Variants in UBQLN1 observed in about 807,000 individuals in gnomAD.
The protein encoded by UBQLN1 is ubiquilin-1.
Under a neutral mutation model 65.4 loss-of-function variants are expected in UBQLN1, and 13 were observed. The observed-to-expected ratio is 0.20, with a 90% CI of 0.13 to 0.32. The LOEUF (loss-of-function observed/expected upper bound fraction) is 0.32. UBQLN1 is among the 10% of genes least tolerant of loss of function. The pLI, the probability that UBQLN1 is intolerant of heterozygous loss-of-function variation, is 1.00. For missense variants in UBQLN1, 561 were observed against 724.0 expected, an observed-to-expected ratio of 0.77 and a Z score of 2.58; for synonymous variants, 267 against 247.8, an observed-to-expected ratio of 1.08 and a Z score of -0.73.
chr9:83,678,022 A>AATT, intron 5 of UBQLN1, 61 bp from the exon 6 acceptor site: 4 of 1,056,404 alleles, frequency 3.8e-6, no homozygotes, highest in Non-Finnish European at 5.2e-6. Flanking sequence ...AAGATATGAA[A>AATT]CTTTTTTTTT....
Position 83,669,197 on chromosome 9 carries a change from G to T in UBQLN1, c.1236C>A (p.Asp412Glu). Residue 412 changes from aspartate (D) to glutamate (E), a missense_variant, in exon 7 of 11, where the codon GAC (aspartate) becomes GAA (glutamate). Transcript: ENST00000376395. ...SMMQSLSQNP[D>E]LAAQMMLNNP... ...ATTACAAACTCACCTGTGCAGCAAGGTCAGGATTCTGGCTTAGTGACTGCA... is the reference window on the plus strand; with the variant it reads ...ATTACAAACTCACCTGTGCAGCAAGTTCAGGATTCTGGCTTAGTGACTGCA... 6.2e-7 allele frequency: 1 copy of T among 1,610,284 alleles called. No homozygotes were observed. The highest frequency in any genetic ancestry group is 8.5e-7 in the Non-Finnish European group (1 of 1,179,260).
At chr9:83,680,062 T>C in intron 3 of UBQLN1, 25 bp from the exon 4 acceptor site, 2 of 1,574,044 alleles carry the variant, frequency 1.3e-6, no homozygotes, top group Non-Finnish European at 1.7e-6. Context: ...GGCAAAAACA[T>C]ACAAATCAAA....
At chr9:83,668,754 G>T in intron 7 of UBQLN1, 1 of 529,990 alleles carries the variant, frequency 1.9e-6, no homozygotes, top group Non-Finnish European at 2.4e-6. Context: ...TTTAATAAAT[G>T]CTATTTTACA....
chr9:83,707,388 G>T, intron 1 of UBQLN1, 112 bp downstream of exon 1: 1 of 1,200,576 alleles, frequency 8.3e-7, no homozygotes, highest in Non-Finnish European at 1.1e-6. Context: ...CGACGCCCGG[G>T]AGAATGGCCG....
intron 5 of UBQLN1, 84 bp from the exon 6 acceptor site, chr9:83,678,045 G>A (rs1053485920): frequency 4.1e-5 from 41 of 992,348 alleles, no homozygotes; most frequent in Admixed American, 1.2e-4. Context: ...TTTTTGAGAC[G>A]GAGTCTCGCT....
chr9:83,705,922 T>C (rs1832396695), intron 1 of UBQLN1, among the ~76,000 whole-genome samples: 1 of 151,172 alleles, frequency 6.6e-6, no homozygotes, highest in Non-Finnish European at 1.5e-5. Context: ...CAGGCAACTC[T>C]GTAACTTAGG....
At chr9:83,693,357 A>T (rs10868042) in intron 1 of UBQLN1, among the ~76,000 whole-genome samples, 39,895 of 152,172 alleles carry the variant, frequency 0.26, 6,509 homozygotes, top group East Asian at 0.81. Context: ...TGTAATTTTA[A>T]CTTTTGATAA....
In UBQLN1 at chr9:83,707,941, CA is replaced by C. The variant is rs1347195102; in HGVS notation, c.-263del. On this transcript the variant is annotated 5_prime_UTR_variant, in exon 1 of 11. Transcript: ENST00000376395. The stretch of plus-strand genomic sequence containing the variant: ...CGCTCACACCGACATCCGCAGCAGC[CA>C]CCGCTTCCTCCTCCCTGCCCCTTCC... The C allele has an allele frequency of 2.0e-6, 1 of 505,186 alleles. No individual in the cohort carries two copies. The highest frequency in any genetic ancestry group is 3.4e-6 in the Non-Finnish European group (1 of 293,154). The allele number at this position is 505,186 out of a possible 1,614,324, so 31.3% of individuals were successfully genotyped here.
chr9:83,678,520 C>T lies in UBQLN1; in HGVS notation c.791G>A (p.Ser264Asn). ...TAAAGCATTATATCCCCCTGGGATG[C>T]TTTCTAGGTTGCTCAAAGCTCGGTC... Reference protein sequence around the residue: ...NQDRALSNLESIPGGYNALRR... With the variant: ...NQDRALSNLENIPGGYNALRR... The change falls in exon 5 of 11, where the codon AGC becomes AAC. Residue 264 changes from serine (S) to asparagine (N), a missense_variant. By Grantham distance (46) the Ser-to-Asn change is conservative. This residue lies in a region of UBQLN1 where 75 missense variants were observed against 138.9 expected (regional missense o/e 0.54). Transcript: ENST00000376395. 6.2e-7 allele frequency: 1 copy of T among 1,613,950 alleles called. No individual in the cohort carries two copies. The highest frequency in any genetic ancestry group is 8.5e-7 in the Non-Finnish European group (1 of 1,179,970).
Position 83,669,321 on chromosome 9 carries a change from A to G in UBQLN1, c.1112T>C (p.Met371Thr). Residue 371 changes from methionine (M) to threonine (T), a missense_variant, in exon 7 of 11, where the codon ATG becomes ACG. By Grantham distance (81) the Met-to-Thr change is moderately conservative (BLOSUM62 -1). This residue lies in a region of UBQLN1 where 102 missense variants were observed against 150.7 expected (regional missense o/e 0.68). Coordinates refer to ENST00000376395, the MANE Select transcript of UBQLN1 (RefSeq NM_013438.5). ...GCTCTGCATTCCTGGTGTGTTGAAC[A>G]TACTAGCTGAAAGTTTGTTTTTAAA... ...PNLVPGVGAS[M>T]FNTPGMQSLL... The G allele has an allele frequency of 6.3e-7, 1 of 1,584,356 alleles. No individual in the cohort carries two copies. Among genetic ancestry groups the G allele is most frequent in the Non-Finnish European group, 8.5e-7 (1 of 1,172,880 alleles).
intron 3 of UBQLN1, among the ~76,000 whole-genome samples, chr9:83,681,886 T>C (rs1010982051): frequency 6.6e-6 from 1 of 152,306 alleles, no homozygotes; most frequent in East Asian, 1.9e-4. Flanking sequence ...TACAGCAGAA[T>C]GAAAAATGAC....
At chr9:83,703,102 G>T (rs57338929) in intron 1 of UBQLN1, among the ~76,000 whole-genome samples, 5,975 of 151,694 alleles carry the variant, frequency 0.039, 400 homozygotes, top group African/African-American at 0.14. Context: ...ATGTTATCTT[G>T]CTCGTGGATA....
At chr9:83,685,564 T>A (rs537790702) in intron 2 of UBQLN1, among the ~76,000 whole-genome samples, 1 of 149,834 alleles carries the variant, frequency 6.7e-6, no homozygotes, top group East Asian at 2.0e-4. Context: ...CAGGCTGACA[T>A]GGGAGCATCA....
intron 3 of UBQLN1, among the ~76,000 whole-genome samples, chr9:83,680,325 A>C (rs1389732492): frequency 6.6e-6 from 1 of 152,146 alleles, no homozygotes; most frequent in South Asian, 2.1e-4. Context: ...TGAGTTACTA[A>C]AACTTTGGAA....
intron 7 of UBQLN1, chr9:83,667,841 A>T: frequency 2.1e-6 from 2 of 973,420 alleles, no homozygotes; most frequent in Non-Finnish European, 2.4e-6. Flanking sequence ...TAATCTGCAG[A>T]TAACAAGAAC....
chr9:83,695,164 G>A (rs1431229024), intron 1 of UBQLN1, among the ~76,000 whole-genome samples: 1 of 145,226 alleles, frequency 6.9e-6, no homozygotes, highest in African/African-American at 2.5e-5. Flanking sequence ...AAAAAAAAAA[G>A]TTAACTTTAC....
At chr9:83,688,876 A>T (rs2131173105) in intron 1 of UBQLN1, among the ~76,000 whole-genome samples, 1 of 151,080 alleles carries the variant, frequency 6.6e-6, no homozygotes, top group African/African-American at 2.4e-5. Flanking sequence ...AAAAAAAAAG[A>T]CATGCATCTA....
intron 6 of UBQLN1, among the ~76,000 whole-genome samples, chr9:83,671,032 C>T (rs1268767083): frequency 1.3e-5 from 2 of 152,110 alleles, no homozygotes. Context: ...GTGGCACGAA[C>T]ATAGCTCACT....
chr9:83,673,542 CT>C (rs1403049975), intron 6 of UBQLN1, among the ~76,000 whole-genome samples: 4,735 of 75,910 alleles, frequency 0.062, 346 homozygotes, highest in African/African-American at 0.21. Context: ...GAGACTCGGT[CT>C]TTTAAAAAAA....
Sources: gnomAD v4.1 joint callset for allele counts (sites outside exome capture counted in the v4.1 genomes callset) on GRCh38, gnomAD v4.1.1 for gene constraint, gnomAD v4.1.1 regional missense constraint, MANE v1.5 for transcripts, NCBI Gene and HGNC (gene_info 2026-07-23, HGNC 2026-07-21) for gene names.